ENO4: variants seen among roughly 807,000 people sequenced by gnomAD.
ENO4 encodes 2-phospho-D-glycerate hydro-lyase.
A neutral mutation model predicts 63.2 loss-of-function variants in ENO4; 53 were observed. The observed-to-expected ratio is 0.84, with a 90% CI of 0.67 to 1.05. ENO4 has a LOEUF of 1.05. ENO4 is among the 50% of genes least tolerant of loss of function. The pLI, the probability that ENO4 is intolerant of heterozygous loss-of-function variation, is 0.00. For synonymous variants in ENO4, 266 were observed against 283.8 expected, an observed-to-expected ratio of 0.94 and a Z score of 0.63; for missense variants, 719 against 772.0, an observed-to-expected ratio of 0.93 and a Z score of 0.81.
At chr10:116,907,765 A>C in intron 10 of ENO4, 1 of 442,618 alleles carries the variant, frequency 2.3e-6, no homozygotes, top group South Asian at 1.6e-5. Flanking sequence ...ATCAGAGGAC[A>C]TAAGAACCTC....
At position 116,882,476 on chromosome 10, in the gene ENO4, AGAG is replaced by A. The variant is rs1203953877; in HGVS notation, c.*811_*813del. On this transcript the variant is annotated 3_prime_UTR_variant, in exon 14 of 14. Coordinates refer to ENST00000341276, the MANE Select transcript of ENO4 (RefSeq NM_001242699.2). ...TGTAAGCCAGTGTTGGGATTATAGC[AGAG>A]GAGTAGCAGAAATAAATATATTCAG... 3.3e-5 allele frequency: 5 copies of A among 151,982 alleles called. No homozygotes were observed. The highest frequency in any genetic ancestry group is 1.2e-4 in the African/African-American group (5 of 41,406). 9.4% of individuals were successfully genotyped at this position (151,982 alleles called of 1,614,324 possible). A position where few individuals can be genotyped will look rare whatever the true frequency, so the allele number is the denominator to read the frequency against.
At chr10:116,888,532 C>A (rs879255) in intron 10 of ENO4, among the ~76,000 whole-genome samples, 37,593 of 152,036 alleles carry the variant, frequency 0.25, 5,195 homozygotes, top group East Asian at 0.41. Flanking sequence ...AGACTGGGGA[C>A]AAACTAGAGC....
chr10:116,866,422 T>A (rs553451244), intron 7 of ENO4, among the ~76,000 whole-genome samples: 1 of 152,332 alleles, frequency 6.6e-6, no homozygotes, highest in South Asian at 2.1e-4. Flanking sequence ...GCACAATCTT[T>A]GAAGCAACAG....
At chr10:116,901,834 G>A in intron 10 of ENO4, 2 of 1,604,456 alleles carry the variant, frequency 1.2e-6, no homozygotes, top group Non-Finnish European at 1.7e-6. Flanking sequence ...AGGTGTTGGG[G>A]GGGACGGGCT....
intron 10 of ENO4, among the ~76,000 whole-genome samples, chr10:116,874,769 C>T (rs1169458651): frequency 6.6e-6 from 1 of 152,082 alleles, no homozygotes; most frequent in African/African-American, 2.4e-5. Context: ...GCCTCCTGGG[C>T]TCAAGTGATT....
intron 10 of ENO4, among the ~76,000 whole-genome samples, chr10:116,899,820 T>G (rs968991106): frequency 6.6e-6 from 1 of 152,142 alleles, no homozygotes; most frequent in Admixed American, 6.6e-5. Flanking sequence ...GAGAATGTGG[T>G]TAGTGTAACA....
At chr10:116,874,476 G>A (rs2133275415) in intron 10 of ENO4, among the ~76,000 whole-genome samples, 1 of 152,254 alleles carries the variant, frequency 6.6e-6, no homozygotes. Flanking sequence ...AATGAAACAC[G>A]TTATTCGCAA....
chr10:116,871,405 TTTA>T, intron 9 of ENO4, 113 bp downstream of exon 9: 6 of 977,870 alleles, frequency 6.1e-6, no homozygotes, highest in Non-Finnish European at 8.5e-6. Flanking sequence ...TTATTGTTTT[TTTA>T]TTAATATTGT....
chr10:116,854,658 G>A (rs1448073400), intron 1 of ENO4, among the ~76,000 whole-genome samples: 1 of 151,522 alleles, frequency 6.6e-6, no homozygotes, highest in Non-Finnish European at 1.5e-5. Context: ...CTTGAAACAA[G>A]GGGGCTGGGC....
intron 2 of ENO4, 83 bp downstream of exon 2, chr10:116,855,834 A>G (rs1379115232): frequency 7.2e-7 from 1 of 1,388,458 alleles, no homozygotes; most frequent in Non-Finnish European, 9.5e-7. Flanking sequence ...GTAGAAAATT[A>G]TTGTTTTGAA....
At chr10:116,869,041 A>G (rs1846619782) in intron 8 of ENO4, among the ~76,000 whole-genome samples, 1 of 152,240 alleles carries the variant, frequency 6.6e-6, no homozygotes. Context: ...AAAGGCACAT[A>G]GGATGTTTTA....
At chr10:116,908,614 T>G (rs1848068388) in intron 10 of ENO4, among the ~76,000 whole-genome samples, 1 of 152,216 alleles carries the variant, frequency 6.6e-6, no homozygotes, top group Non-Finnish European at 1.5e-5. Flanking sequence ...CTACATTGTT[T>G]CAATAGCAAG....
intron 1 of ENO4, among the ~76,000 whole-genome samples, chr10:116,853,456 C>T (rs1320702467): frequency 1.3e-5 from 2 of 151,948 alleles, no homozygotes; most frequent in Non-Finnish European, 2.9e-5. Context: ...TATACAGTGC[C>T]CAGGGATGTC....
chr10:116,904,004 A>G (rs1847858224), intron 10 of ENO4, among the ~76,000 whole-genome samples: 1 of 152,244 alleles, frequency 6.6e-6, no homozygotes, highest in Admixed American at 6.5e-5. Context: ...TAAATGCCTA[A>G]GAAAAATCCT....
downstream of ENO4, chr10:116,884,827 G>C (rs1254575499): frequency 6.4e-6 from 1 of 155,578 alleles, no homozygotes; most frequent in East Asian, 1.9e-4. Context: ...TTTTTAATAA[G>C]TTGTGGTGAG....
rs1847957787 is a variant in ENO4 at position 116,906,064 on chromosome 10, C to T, written c.1195-5435C>T. On this transcript the variant is annotated intron_variant, in intron 10 of 10. Coordinates refer to the ENO4 transcript ENST00000369207. ...GGATACAAAGAGTAAAGATGATTTT[C>T]CTGCATTTGTAACTGATGTGTAATT... Among the ~76,000 whole-genome samples, 3 of 152,238 alleles carry T rather than the reference C, an allele frequency of 2.0e-5. No individual in the cohort carries two copies. The South Asian group carries it at 6.2e-4, about 31-fold the overall frequency.
At chr10:116,886,217 A>T, downstream of ENO4, 3 of 1,320,194 alleles carry the variant, frequency 2.3e-6, no homozygotes, top group Non-Finnish European at 3.1e-6. Flanking sequence ...AAGTGACACC[A>T]GAAAAGAACC....
At chr10:116,879,677 G>C (rs1846943350) in intron 12 of ENO4, among the ~76,000 whole-genome samples, 192 bp from the exon 13 acceptor site, 1 of 152,178 alleles carries the variant, frequency 6.6e-6, no homozygotes, top group African/African-American at 2.4e-5. Context: ...CTGATGGATA[G>C]TCAGCCACAT....
intron 7 of ENO4, among the ~76,000 whole-genome samples, chr10:116,868,015 C>T (rs1846591819): frequency 2.0e-5 from 3 of 152,164 alleles, no homozygotes; most frequent in Admixed American, 2.0e-4. Context: ...CGCTGAGCAT[C>T]CTTTAAAAGA....
Sources: allele counts gnomAD v4.1 joint callset (sites outside exome capture counted in the v4.1 genomes callset), GRCh38; gene constraint gnomAD v4.1.1; transcripts MANE v1.5; gene names NCBI Gene and HGNC (gene_info 2026-07-23, HGNC 2026-07-21).